Variants in NELL1 observed in about 807,000 individuals in gnomAD.
The protein encoded by NELL1 is protein kinase C-binding protein NELL1.
Under a neutral mutation model 107.4 loss-of-function variants are expected in NELL1, and 76 were observed. That is an observed-to-expected ratio of 0.71 (90% CI 0.59 to 0.86). The LOEUF (loss-of-function observed/expected upper bound fraction) is 0.86, where lower values mean the gene tolerates loss of function less well. NELL1 is among the 40% of genes least tolerant of loss of function. The probability of loss-of-function intolerance (pLI) is 0.00; values close to 1 mark genes in which losing one functional copy is unlikely to be tolerated. For missense variants in NELL1, 1,024 were observed against 1,005.5 expected (o/e 1.02, Z -0.25); for synonymous variants, 353 against 341.2 (o/e 1.03, Z -0.38).
At chr11:20,741,788 G>A (rs1855896922) in intron 2 of NELL1, among the ~76,000 whole-genome samples, 1 of 152,218 alleles carries the variant, frequency 6.6e-6, no homozygotes, top group Admixed American at 6.5e-5. Context: ...ACAGAGATTA[G>A]ATGGAGTATT....
intron 15 of NELL1, among the ~76,000 whole-genome samples, chr11:21,384,635 C>A (rs1851697309): frequency 6.6e-6 from 1 of 151,870 alleles, no homozygotes; most frequent in African/African-American, 2.4e-5. Flanking sequence ...TGTGATGTTC[C>A]CCTTCCTGTG....
intron 13 of NELL1, chr11:21,169,880 G>C: frequency 2.1e-6 from 3 of 1,423,438 alleles, no homozygotes; most frequent in Non-Finnish European, 3.0e-6. Flanking sequence ...ATGTCACCCA[G>C]CACTGGCAGA....
intron 16 of NELL1, among the ~76,000 whole-genome samples, chr11:21,555,349 G>C (rs879469428): frequency 6.6e-6 from 1 of 151,854 alleles, no homozygotes; most frequent in Non-Finnish European, 1.5e-5. Flanking sequence ...CAAACTAGTG[G>C]TTATGAGAGA....
At chr11:20,954,370 C>G (rs903703051) in intron 11 of NELL1, among the ~76,000 whole-genome samples, 10 of 152,072 alleles carry the variant, frequency 6.6e-5, no homozygotes, top group African/African-American at 2.4e-4. Context: ...GATCTGTGTC[C>G]TGCTCCTATC....
chr11:21,515,945 T>A (rs1436957411), intron 15 of NELL1, among the ~76,000 whole-genome samples: 2 of 152,154 alleles, frequency 1.3e-5, no homozygotes, highest in Non-Finnish European at 2.9e-5. Context: ...TGCTGTTGCT[T>A]CTCAGTATTA....
chr11:21,469,968 A>G (rs1263974584), intron 15 of NELL1, among the ~76,000 whole-genome samples: 3 of 151,326 alleles, frequency 2.0e-5, no homozygotes, highest in African/African-American at 4.9e-5. Context: ...GACACTTACT[A>G]TTTTTTCTTT....
chr11:20,814,168 G>A (rs1857569944), intron 3 of NELL1, among the ~76,000 whole-genome samples: 1 of 151,840 alleles, frequency 6.6e-6, no homozygotes, highest in African/African-American at 2.4e-5. Context: ...GCTAATTTTT[G>A]CATTTTTAGT....
chr11:21,435,042 T>C (rs1036474404), intron 15 of NELL1, among the ~76,000 whole-genome samples: 1 of 151,770 alleles, frequency 6.6e-6, no homozygotes, highest in Non-Finnish European at 1.5e-5. Flanking sequence ...ACTCTGTAAC[T>C]TTACCGAATT....
At chr11:20,778,682 C>T (rs2133977304) in intron 2 of NELL1, among the ~76,000 whole-genome samples, 2 of 152,126 alleles carry the variant, frequency 1.3e-5, no homozygotes. Context: ...ACGCCATTTT[C>T]CCCCGTTTTA....
chr11:21,354,724 C>A (rs920348839), intron 14 of NELL1, among the ~76,000 whole-genome samples: 1 of 152,170 alleles, frequency 6.6e-6, no homozygotes, highest in Non-Finnish European at 1.5e-5. Flanking sequence ...CTGGTCCACC[C>A]GAATTACCCA....
chr11:20,743,460 A>AGTT (rs913377565), intron 2 of NELL1, among the ~76,000 whole-genome samples: 2 of 152,184 alleles, frequency 1.3e-5, no homozygotes, highest in East Asian at 3.9e-4. Flanking sequence ...TCTAGACATG[A>AGTT]GTTGTTGTAA....
At chr11:21,442,054 T>C (rs1853299470) in intron 15 of NELL1, among the ~76,000 whole-genome samples, 1 of 152,218 alleles carries the variant, frequency 6.6e-6, no homozygotes, top group Non-Finnish European at 1.5e-5. Context: ...ACTCTGATCC[T>C]AAGTCATCAA....
At chr11:21,041,556 G>T (rs1375821994) in intron 12 of NELL1, among the ~76,000 whole-genome samples, 1 of 152,134 alleles carries the variant, frequency 6.6e-6, no homozygotes, top group African/African-American at 2.4e-5. Flanking sequence ...GAATGTGTAA[G>T]TTGCTCTGTA....
At chr11:21,415,635 G>A (rs775051195) in intron 15 of NELL1, among the ~76,000 whole-genome samples, 28 of 151,784 alleles carry the variant, frequency 1.8e-4, no homozygotes, top group Non-Finnish European at 2.9e-4. Flanking sequence ...TCACTGTGGC[G>A]TCTCTTTAAT....
intron 13 of NELL1, among the ~76,000 whole-genome samples, chr11:21,188,814 C>T (rs1273145163): frequency 6.6e-6 from 1 of 151,736 alleles, no homozygotes; most frequent in Non-Finnish European, 1.5e-5. Flanking sequence ...CTTTGTGACA[C>T]TATAAGCATT....
rs560305183 is a variant in NELL1 at position 21,519,370 on chromosome 11, T to C, written c.1646-15004T>C. On this transcript the variant is annotated intron_variant, in intron 15 of 19. Coordinates refer to ENST00000357134, the MANE Select transcript of NELL1 (RefSeq NM_006157.5). ...TACCCCCAGAATTTCTAATTTAGTATGTTGTGTGGGACCAGATAATTTTCA... is the reference window on the plus strand; with the variant it reads ...TACCCCCAGAATTTCTAATTTAGTACGTTGTGTGGGACCAGATAATTTTCA... Among the ~76,000 whole-genome samples the C allele has an allele frequency of 3.5e-4, 53 of 152,284 alleles. No homozygotes were observed. In the South Asian group the frequency reaches 7.7e-3, roughly 22 times the overall value.
chr11:21,313,843 A>G (rs192678467), intron 14 of NELL1, among the ~76,000 whole-genome samples: 166 of 152,180 alleles, frequency 1.1e-3, no homozygotes, highest in Non-Finnish European at 2.0e-3. Flanking sequence ...TGTAATCCCT[A>G]GTATTGGAGG....
At chr11:21,376,333 A>G (rs867634484) in intron 15 of NELL1, among the ~76,000 whole-genome samples, 116 of 151,928 alleles carry the variant, frequency 7.6e-4, no homozygotes, top group African/African-American at 2.5e-3. Flanking sequence ...ATTTTTGTCA[A>G]CTTTATTGAA....
At chr11:21,079,727 T>C (rs1854221190) in intron 12 of NELL1, among the ~76,000 whole-genome samples, 1 of 152,072 alleles carries the variant, frequency 6.6e-6, no homozygotes, top group Non-Finnish European at 1.5e-5. Context: ...GCCAAAACTA[T>C]ATTTTGAAAT....
Sources: allele counts gnomAD v4.1 joint callset (sites outside exome capture counted in the v4.1 genomes callset), GRCh38; gene constraint gnomAD v4.1.1; transcripts MANE v1.5; gene names NCBI Gene and HGNC (gene_info 2026-07-23, HGNC 2026-07-21).